Variants in ARHGAP26 observed in about 807,000 individuals in gnomAD.
ARHGAP26 encodes Rho GTPase activating protein 26, also known as rho GTPase-activating protein 26.
A neutral mutation model predicts 104.8 loss-of-function variants in ARHGAP26; 38 were observed. The ratio of observed to expected loss-of-function variants is 0.36; its 90% CI spans 0.28 to 0.48. The LOEUF is 0.48. Among genes scored for constraint, ARHGAP26 ranks in the 20% least tolerant of loss-of-function variants. The pLI is 0.99. For synonymous variants in ARHGAP26, 341 were observed against 340.0 expected (o/e 1.00, Z -0.03); for missense variants, 704 against 947.9 (o/e 0.74, Z 3.38).
At chr5:142,824,656 C>T (rs1344406688) in intron 1 of ARHGAP26, among the ~76,000 whole-genome samples, 1 of 152,182 alleles carries the variant, frequency 6.6e-6, no homozygotes, top group African/African-American at 2.4e-5. Context: ...CCAGCTGCTA[C>T]TGTGCTTAAC....
chr5:142,876,696 G>A (rs1048897141), intron 3 of ARHGAP26, among the ~76,000 whole-genome samples: 3 of 144,960 alleles, frequency 2.1e-5, no homozygotes, highest in African/African-American at 7.8e-5. Context: ...AGGATCGCTT[G>A]TGCCAGGGAG....
At position 143,097,346 on chromosome 5, in the gene ARHGAP26, C is replaced by T. The variant is rs1310120141; in HGVS notation, c.1539-23642C>T. Among the ~76,000 whole-genome samples, 11 of 124,716 alleles carry T rather than the reference C, an allele frequency of 8.8e-5. No homozygotes were observed. In the East Asian group the frequency reaches 1.2e-3, roughly 13 times the overall value. 81.8% of individuals were successfully genotyped at this position (124,716 alleles called of 152,430 possible). ...CAGCCTGGGCAACAGAGAGAGACTC[C>T]GTCTCAAAAAAAAGAAAAAAAAAAA... On this transcript the variant is annotated intron_variant, in intron 17 of 22. Coordinates refer to ENST00000645722, the MANE Select transcript of ARHGAP26 (RefSeq NM_001135608.3).
chr5:142,967,992 G>A (rs1026247273), intron 11 of ARHGAP26, among the ~76,000 whole-genome samples: 3 of 152,072 alleles, frequency 2.0e-5, no homozygotes, highest in Non-Finnish European at 4.4e-5. Context: ...GCTTGTACTC[G>A]GAATTGTTTT....
chr5:142,921,959 A>C (rs1763253731), intron 10 of ARHGAP26: 1 of 152,092 alleles, frequency 6.6e-6, no homozygotes, highest in South Asian at 2.1e-4. Flanking sequence ...TTTTGTCTTA[A>C]TGGTGCTCCT....
intron 11 of ARHGAP26, among the ~76,000 whole-genome samples, chr5:143,012,280 A>G (rs1300033893): frequency 6.6e-6 from 1 of 151,530 alleles, no homozygotes; most frequent in Non-Finnish European, 1.5e-5. Context: ...TGATAATTCA[A>G]AGACCTTCTT....
chr5:143,027,608 C>T (rs1781251493), intron 12 of ARHGAP26, among the ~76,000 whole-genome samples: 1 of 152,078 alleles, frequency 6.6e-6, no homozygotes, highest in East Asian at 1.9e-4. Context: ...TGTGATAAAT[C>T]AGTAGATTTC....
At chr5:142,881,542 T>C (rs2152391528) in intron 4 of ARHGAP26, among the ~76,000 whole-genome samples, 1 of 152,328 alleles carries the variant, frequency 6.6e-6, no homozygotes, top group East Asian at 1.9e-4. Flanking sequence ...CCATGAATAA[T>C]TATTGATTAT....
At position 142,911,057 on chromosome 5, in the gene ARHGAP26, A is replaced by T. The variant is rs141668512; in HGVS notation, c.934-2142A>T. On this transcript the variant is annotated intron_variant, in intron 9 of 22. Transcript: ENST00000645722. ...CTTTAAAAGTACCCACTGTTCTCAT[A>T]GCTTCAGATCTGGAGTTGTGAGCAG... Among the ~76,000 whole-genome samples, 23 of 152,230 alleles carry T rather than the reference A, an allele frequency of 1.5e-4. No homozygotes were observed. The East Asian group carries it at 4.2e-3, about 28-fold the overall frequency.
intron 4 of ARHGAP26, among the ~76,000 whole-genome samples, chr5:142,882,857 G>A (rs182620772): frequency 3.7e-4 from 56 of 152,272 alleles, no homozygotes; most frequent in African/African-American, 1.3e-3. Flanking sequence ...TCAATTTATA[G>A]TTGAGGAAAT....
chr5:143,179,094 T>A (rs1471517802), intron 20 of ARHGAP26, among the ~76,000 whole-genome samples: 5 of 152,162 alleles, frequency 3.3e-5, no homozygotes, highest in Non-Finnish European at 7.4e-5. Context: ...GCTCTTGAAC[T>A]CCTGACCTTA....
chr5:143,167,482 C>CAAAAAAAAA lies in ARHGAP26; in HGVS notation c.1988+20129_1988+20137dup, dbSNP rs6149274. On this transcript the variant is annotated intron_variant, in intron 20 of 22. Coordinates refer to ENST00000645722, the MANE Select transcript of ARHGAP26 (RefSeq NM_001135608.3). Reference sequence around the variant, plus strand: ...TGCATGACAGAGCAAGACTCCATCTCAAAAAAAAAAAAAAAAAAAAAAAAA... The same window carrying CAAAAAAAAA: ...TGCATGACAGAGCAAGACTCCATCTCAAAAAAAAAAAAAAAAAAAAAAAAAAAAAAAAAA... Among the ~76,000 whole-genome samples, 36 of 60,084 alleles carry CAAAAAAAAA rather than the reference C, an allele frequency of 6.0e-4. 5 individuals carry two copies. The highest frequency in any genetic ancestry group is 1.9e-3 in the African/African-American group (23 of 11,956). 39.4% of individuals were successfully genotyped at this position (60,084 alleles called of 152,430 possible).
At chr5:142,920,471 C>T (rs757285409) in intron 10 of ARHGAP26, among the ~76,000 whole-genome samples, 1 of 152,168 alleles carries the variant, frequency 6.6e-6, no homozygotes. Context: ...CCAGGAGGGC[C>T]TAGTAAACCA....
chr5:142,898,451 T>C (rs987487170), intron 6 of ARHGAP26, among the ~76,000 whole-genome samples: 2 of 152,162 alleles, frequency 1.3e-5, no homozygotes, highest in African/African-American at 2.4e-5. Flanking sequence ...CCTCCGAGTT[T>C]TCCATCCTGA....
intron 20 of ARHGAP26, among the ~76,000 whole-genome samples, chr5:143,155,474 A>C (rs1800369366): frequency 6.6e-6 from 1 of 152,208 alleles, no homozygotes; most frequent in Non-Finnish European, 1.5e-5. Context: ...GCCTTCATCC[A>C]ATTTTTATGA....
intron 11 of ARHGAP26, among the ~76,000 whole-genome samples, chr5:142,967,054 A>C (rs897221532): frequency 4.6e-5 from 7 of 152,214 alleles, no homozygotes; most frequent in African/African-American, 1.7e-4. Flanking sequence ...GCACACTCAC[A>C]CATACGTACA....
chr5:143,141,568 C>A (rs1053121772), intron 19 of ARHGAP26, among the ~76,000 whole-genome samples: 2 of 152,168 alleles, frequency 1.3e-5, no homozygotes, highest in African/African-American at 4.8e-5. Context: ...TCCCTAATTG[C>A]ACCTTTCATG....
At chr5:143,198,426 A>G (rs1269736905) in intron 20 of ARHGAP26, among the ~76,000 whole-genome samples, 1 of 152,206 alleles carries the variant, frequency 6.6e-6, no homozygotes, top group Admixed American at 6.5e-5. Context: ...CGGTATTGGA[A>G]AAGATTGAGA....
intron 13 of ARHGAP26, among the ~76,000 whole-genome samples, chr5:143,039,594 C>T (rs1424385048): frequency 6.7e-6 from 1 of 150,106 alleles, no homozygotes; most frequent in Non-Finnish European, 1.5e-5. Context: ...GGTAGAGGCA[C>T]AAAAATGGAG....
chr5:142,913,356 C>G, intron 10 of ARHGAP26, 63 bp downstream of exon 10: 1 of 1,479,214 alleles, frequency 6.8e-7, no homozygotes. Flanking sequence ...CTTACTTTTT[C>G]TTTCCAGTCA....
Sources: gnomAD v4.1 joint callset for allele counts (sites outside exome capture counted in the v4.1 genomes callset) on GRCh38, gnomAD v4.1.1 for gene constraint, MANE v1.5 for transcripts, NCBI Gene and HGNC (gene_info 2026-07-23, HGNC 2026-07-21) for gene names.